KCNJ6: variants seen among roughly 807,000 people sequenced by gnomAD.
KCNJ6 encodes potassium inwardly rectifying channel subfamily J member 6.
Under a neutral mutation model 34.2 loss-of-function variants are expected in KCNJ6, and 9 were observed. That is an observed-to-expected ratio of 0.26 (90% CI 0.16 to 0.46). The LOEUF (loss-of-function observed/expected upper bound fraction) is 0.46. Ranked by LOEUF, KCNJ6 falls within the 20% of genes least tolerant of loss-of-function variation. KCNJ6 has a pLI of 1.00. For synonymous variants in KCNJ6, 196 were observed against 207.1 expected, an observed-to-expected ratio of 0.95 and a Z score of 0.46; for missense variants, 236 against 531.3, an observed-to-expected ratio of 0.44 and a Z score of 5.46.
chr21:37,858,392 CAAAAAAAAA>C (rs60814205), intron 1 of KCNJ6, among the ~76,000 whole-genome samples: 1 of 54,500 alleles, frequency 1.8e-5, no homozygotes, highest in Non-Finnish European at 3.1e-5. Context: ...GACTCCGTCT[CAAAAAAAAA>C]AAAAAAAAAA....
chr21:37,686,362 T>C (rs2054615046), intron 3 of KCNJ6, among the ~76,000 whole-genome samples: 1 of 151,846 alleles, frequency 6.6e-6, no homozygotes, highest in Non-Finnish European at 1.5e-5. Context: ...AGGAAGCTAG[T>C]GTCTGGGAAG....
chr21:37,622,353 A>G lies in KCNJ6; in HGVS notation c.*2806T>C, dbSNP rs960713831. ...TAGAATGAGTGGAAATTGTGGGGTC[A>G]ATTTTGTTGAGCTGTCTTAATGGAA... On this transcript the variant is annotated 3_prime_UTR_variant, in exon 4 of 4. Transcript: ENST00000609713. The G allele has an allele frequency of 2.0e-5, 3 of 152,216 alleles. No homozygotes were observed. The highest frequency in any genetic ancestry group is 6.5e-5 in the Admixed American group (1 of 15,278). 9.4% of individuals were successfully genotyped at this position (152,216 alleles called of 1,614,324 possible). A position where few individuals can be genotyped will look rare whatever the true frequency, so the allele number is the denominator to read the frequency against.
chr21:37,672,101 G>A (rs1459863403), intron 3 of KCNJ6, among the ~76,000 whole-genome samples: 2 of 152,030 alleles, frequency 1.3e-5, no homozygotes, highest in African/African-American at 4.8e-5. Flanking sequence ...TTCTCTACCT[G>A]TAGTCTAGGA....
chr21:37,837,134 G>A (rs2055455862), intron 2 of KCNJ6, among the ~76,000 whole-genome samples: 1 of 151,810 alleles, frequency 6.6e-6, no homozygotes, highest in African/African-American at 2.4e-5. Flanking sequence ...TTTTCTCTAT[G>A]CTTTGTGCGT....
chr21:37,814,331 G>A (rs2055336023), intron 2 of KCNJ6, among the ~76,000 whole-genome samples: 1 of 152,214 alleles, frequency 6.6e-6, no homozygotes, highest in African/African-American at 2.4e-5. Context: ...CTGTTGGTGA[G>A]AATGCAAATT....
intron 2 of KCNJ6, among the ~76,000 whole-genome samples, chr21:37,796,398 G>T (rs1398767398): frequency 6.6e-6 from 1 of 152,306 alleles, no homozygotes; most frequent in African/African-American, 2.4e-5. Context: ...GCGGCAAAGT[G>T]GTTGGTATTT....
At chr21:37,702,476 A>G (rs2054696518) in intron 3 of KCNJ6, among the ~76,000 whole-genome samples, 1 of 152,150 alleles carries the variant, frequency 6.6e-6, no homozygotes, top group Non-Finnish European at 1.5e-5. Flanking sequence ...ATGGCTCAGG[A>G]TAACATTTAT....
intron 1 of KCNJ6, among the ~76,000 whole-genome samples, chr21:37,881,300 A>G (rs2055706666): frequency 6.6e-6 from 1 of 152,214 alleles, no homozygotes; most frequent in Non-Finnish European, 1.5e-5. Context: ...ATAACAAAAT[A>G]CAATTGACTG....
rs186187939 is a variant in KCNJ6, at chr21:37,817,349, A to G, written c.25+23309T>C. ...CAGCACAAGGAGAATAACAGTATTC[A>G]TCATAGAGGATTATTGCAAAGAATT... On this transcript the variant is annotated intron_variant, in intron 2 of 3. Coordinates refer to ENST00000609713, the MANE Select transcript of KCNJ6 (RefSeq NM_002240.5). Among the ~76,000 whole-genome samples the G allele has an allele frequency of 2.3e-3, 349 of 152,314 alleles. 6 individuals are homozygous for G. Among genetic ancestry groups the G allele is most frequent in the Admixed American group, 4.2e-3 (64 of 15,302 alleles).
At chr21:37,677,776 C>T (rs1290962376) in intron 3 of KCNJ6, among the ~76,000 whole-genome samples, 8 of 147,418 alleles carry the variant, frequency 5.4e-5, no homozygotes, top group African/African-American at 2.0e-4. Context: ...ATTTGTCCAT[C>T]CATCCATCCA....
chr21:37,778,846 C>A (rs1257033518), intron 2 of KCNJ6, among the ~76,000 whole-genome samples: 3 of 151,878 alleles, frequency 2.0e-5, no homozygotes, highest in African/African-American at 7.3e-5. Context: ...CCTCTGTAAA[C>A]CTGACCCATT....
intron 2 of KCNJ6, among the ~76,000 whole-genome samples, chr21:37,735,175 G>A (rs2054906561): frequency 6.6e-6 from 1 of 152,118 alleles, no homozygotes; most frequent in Non-Finnish European, 1.5e-5. Context: ...CAAGCAAAAA[G>A]GAGAGTGACA....
In KCNJ6 at chr21:37,619,530, G is replaced by C. The variant is rs1490906564; in HGVS notation, c.*5629C>G. The C allele has an allele frequency of 1.3e-5, 2 of 152,174 alleles. No individual in the cohort carries two copies. Among genetic ancestry groups the C allele is most frequent in the Non-Finnish European group, 2.9e-5 (2 of 68,024 alleles). The allele number at this position is 152,174 out of a possible 1,614,324, so 9.4% of individuals were successfully genotyped here. A position where few individuals can be genotyped will look rare whatever the true frequency, so the allele number is the denominator to read the frequency against. ...ACTTCTAGCTTAGTGGCTAGAGAGA[G>C]CAAAAACTAGCGCAATTAAACATGA... is the stretch of plus-strand genomic sequence containing the variant. On this transcript the variant is annotated 3_prime_UTR_variant, in exon 4 of 4. Transcript: ENST00000609713.
chr21:37,826,330 T>A (rs2055398831), intron 2 of KCNJ6, among the ~76,000 whole-genome samples: 1 of 152,202 alleles, frequency 6.6e-6, no homozygotes, highest in South Asian at 2.1e-4. Context: ...TACAGCATAA[T>A]GTTGGGGTTC....
intron 3 of KCNJ6, among the ~76,000 whole-genome samples, chr21:37,685,814 T>G (rs1008127421): frequency 6.6e-6 from 1 of 151,534 alleles, no homozygotes; most frequent in African/African-American, 2.4e-5. Context: ...AATGATCGTA[T>G]GTCCATCAAA....
chr21:37,800,277 T>C (rs982972977), intron 2 of KCNJ6, among the ~76,000 whole-genome samples: 4 of 152,110 alleles, frequency 2.6e-5, no homozygotes, highest in Admixed American at 2.6e-4. Flanking sequence ...ACAGAGAGGA[T>C]GTGGCGTGGG....
chr21:37,631,340 CA>C (rs2054332888), intron 3 of KCNJ6, among the ~76,000 whole-genome samples: 2 of 152,180 alleles, frequency 1.3e-5, no homozygotes, highest in Non-Finnish European at 2.9e-5. Flanking sequence ...CTTCCAGCGT[CA>C]TGTCTGTCTG....
chr21:37,872,417 G>A (rs987642495), intron 1 of KCNJ6, among the ~76,000 whole-genome samples: 5 of 152,132 alleles, frequency 3.3e-5, no homozygotes, highest in East Asian at 1.9e-4. Context: ...CTGTGTCACC[G>A]GCATTAGTTA....
At chr21:37,879,457 G>A (rs1018971651) in intron 1 of KCNJ6, among the ~76,000 whole-genome samples, 2 of 152,108 alleles carry the variant, frequency 1.3e-5, no homozygotes, top group African/African-American at 4.8e-5. Flanking sequence ...AGAGTGGTAA[G>A]GGGGTTGGCT....
Sources: allele counts gnomAD v4.1 joint callset (sites outside exome capture counted in the v4.1 genomes callset), GRCh38; gene constraint gnomAD v4.1.1; transcripts MANE v1.5; gene names NCBI Gene and HGNC (gene_info 2026-07-23, HGNC 2026-07-21).